TRAF3: variants seen among roughly 807,000 people sequenced by gnomAD.
The protein encoded by TRAF3 is TNF receptor-associated factor 3.
A neutral mutation model predicts 62.3 loss-of-function variants in TRAF3; 13 were observed. The observed-to-expected ratio is 0.21, with a 90% CI of 0.14 to 0.33. The LOEUF is 0.33. Ranked by LOEUF, TRAF3 falls within the 10% of genes least tolerant of loss-of-function variation. The pLI, the probability that TRAF3 is intolerant of heterozygous loss-of-function variation, is 1.00. For synonymous variants in TRAF3, 269 were observed against 283.4 expected (o/e 0.95, Z 0.51); for missense variants, 440 against 741.8 (o/e 0.59, Z 4.73).
At chr14:102,895,132 A>C in intron 9 of TRAF3, 1 of 455,724 alleles carries the variant, frequency 2.2e-6, no homozygotes, top group South Asian at 1.6e-5. Context: ...GAAATGAATG[A>C]ATTGTTACTT....
At chr14:102,863,397 G>A (rs1334859423) in intron 2 of TRAF3, among the ~76,000 whole-genome samples, 1 of 152,206 alleles carries the variant, frequency 6.6e-6, no homozygotes, top group Non-Finnish European at 1.5e-5. Context: ...CTTGTGATTA[G>A]ACAGAGATTT....
At chr14:102,850,089 T>C (rs1441360463) in intron 2 of TRAF3, among the ~76,000 whole-genome samples, 1 of 152,164 alleles carries the variant, frequency 6.6e-6, no homozygotes, top group Non-Finnish European at 1.5e-5. Flanking sequence ...AATTACAGTG[T>C]AACTCAACTA....
chr14:102,803,488 G>A (rs758094088), intron 1 of TRAF3, among the ~76,000 whole-genome samples: 7 of 152,262 alleles, frequency 4.6e-5, no homozygotes, highest in Non-Finnish European at 1.0e-4. Context: ...GTGTGAGATG[G>A]AAAGCATTTA....
chr14:102,847,436 A>G (rs562013594), intron 2 of TRAF3, among the ~76,000 whole-genome samples: 5 of 152,238 alleles, frequency 3.3e-5, no homozygotes, highest in East Asian at 3.9e-4. Flanking sequence ...CGACCTCCCA[A>G]AGTGCTGGGA....
intron 1 of TRAF3, among the ~76,000 whole-genome samples, chr14:102,829,708 G>A (rs932365736): frequency 8.5e-5 from 13 of 152,208 alleles, no homozygotes; most frequent in Non-Finnish European, 1.6e-4. Context: ...AGGGTATCAT[G>A]GGGATTGGTT....
intron 1 of TRAF3, among the ~76,000 whole-genome samples, chr14:102,813,824 G>A (rs1054595654): frequency 3.3e-5 from 5 of 151,838 alleles, no homozygotes; most frequent in Admixed American, 6.6e-5. Context: ...TCAATCCCCT[G>A]TTGGATGAAT....
intron 1 of TRAF3, among the ~76,000 whole-genome samples, chr14:102,799,725 C>T (rs987730826): frequency 2.0e-5 from 3 of 152,234 alleles, no homozygotes; most frequent in Non-Finnish European, 2.9e-5. Context: ...GCTGGAATTA[C>T]AGGCTGAGCC....
At chr14:102,831,663 A>G (rs1225807141) in intron 2 of TRAF3, among the ~76,000 whole-genome samples, 1 of 152,090 alleles carries the variant, frequency 6.6e-6, no homozygotes, top group East Asian at 1.9e-4. Context: ...AGCCCCAGCC[A>G]TGGGTCCCGT....
intron 6 of TRAF3, among the ~76,000 whole-genome samples, chr14:102,880,777 C>T (rs1328677855): frequency 6.6e-6 from 1 of 152,154 alleles, no homozygotes; most frequent in Non-Finnish European, 1.5e-5. Context: ...ACTGTGTATC[C>T]ATAAAAAGGA....
chr14:102,827,155 C>T (rs960074956), intron 1 of TRAF3, among the ~76,000 whole-genome samples: 2 of 152,240 alleles, frequency 1.3e-5, no homozygotes, highest in Non-Finnish European at 2.9e-5. Flanking sequence ...AGCCCCTTTT[C>T]AATGTTCCTT....
At chr14:102,848,785 TCATTCTGG>T (rs1886866427) in intron 2 of TRAF3, among the ~76,000 whole-genome samples, 1 of 152,212 alleles carries the variant, frequency 6.6e-6, no homozygotes, top group African/African-American at 2.4e-5. Flanking sequence ...AGAAGTTCCC[TCATTCTGG>T]CCTTTGCTGT....
chr14:102,799,901 A>G (rs2139452857), intron 1 of TRAF3, among the ~76,000 whole-genome samples: 1 of 152,168 alleles, frequency 6.6e-6, no homozygotes, highest in Admixed American at 6.5e-5. Context: ...GAGGGTGAAA[A>G]ATGCTGTGAT....
At chr14:102,790,446 G>T (rs1349750454) in intron 1 of TRAF3, among the ~76,000 whole-genome samples, 4 of 152,116 alleles carry the variant, frequency 2.6e-5, no homozygotes, top group Admixed American at 2.6e-4. Flanking sequence ...CCTGAGACAG[G>T]GTAATTTATA....
chr14:102,859,434 A>G (rs1887561182), intron 2 of TRAF3, among the ~76,000 whole-genome samples: 2 of 152,260 alleles, frequency 1.3e-5, no homozygotes, highest in South Asian at 4.1e-4. Context: ...ACTTACTAGC[A>G]TAGCTAGGAG....
chr14:102,830,627 C>A (rs1407190372), intron 2 of TRAF3, among the ~76,000 whole-genome samples, 155 bp downstream of exon 2: 1 of 152,152 alleles, frequency 6.6e-6, no homozygotes, highest in Non-Finnish European at 1.5e-5. Context: ...AATTTCTACT[C>A]AGTGTGCTGG....
At chr14:102,900,179 G>GAAAAAAAAAAAAAAAAAAAAAAAA (rs1566807952) in intron 10 of TRAF3, among the ~76,000 whole-genome samples, 2 of 83,768 alleles carry the variant, frequency 2.4e-5, no homozygotes, top group Non-Finnish European at 2.2e-5. Flanking sequence ...ACTCCGTCTC[G>GAAAAAAAAAAAAAAAAAAAAAAAA]GAAAAAAAAA....
intron 1 of TRAF3, among the ~76,000 whole-genome samples, chr14:102,778,328 G>T (rs1897118204): frequency 6.6e-6 from 1 of 151,890 alleles, no homozygotes; most frequent in Non-Finnish European, 1.5e-5. Context: ...CGGCGGGCTG[G>T]CCGGTTCCAC....
rs45585743 is a variant in TRAF3, at chr14:102,908,993, C to G, written c.*3209C>G. On this transcript the variant is annotated 3_prime_UTR_variant, in exon 12 of 12. Transcript: ENST00000392745. Reference sequence around the variant, plus strand: ...GGCTTGTCCCGCGGAGCCTGCAGAGCTAGACGTTGGGGTGTGTCCGTGATG... The same window carrying G: ...GGCTTGTCCCGCGGAGCCTGCAGAGGTAGACGTTGGGGTGTGTCCGTGATG... 6.6e-6 allele frequency: 1 copy of G among 152,568 alleles called. No individual in the cohort carries two copies. Among genetic ancestry groups the G allele is most frequent in the Non-Finnish European group, 1.5e-5 (1 of 68,218 alleles). 9.5% of individuals were successfully genotyped at this position (152,568 alleles called of 1,614,324 possible).
chr14:102,867,006 A>C (rs1888037961), intron 2 of TRAF3, among the ~76,000 whole-genome samples: 1 of 152,238 alleles, frequency 6.6e-6, no homozygotes, highest in Admixed American at 6.5e-5. Context: ...CATAAAGACC[A>C]TAGTCCTTGG....
Sources: allele counts gnomAD v4.1 joint callset (sites outside exome capture counted in the v4.1 genomes callset), GRCh38; gene constraint gnomAD v4.1.1; transcripts MANE v1.5; gene names NCBI Gene and HGNC (gene_info 2026-07-23, HGNC 2026-07-21).